The following ARHGEF10 variants were observed in gnomAD, a reference collection of about 807,000 sequenced individuals.
The protein encoded by ARHGEF10 is Rho guanine nucleotide exchange factor 10, also known as Rho guanine nucleotide exchange factor (GEF) 10.
In ARHGEF10, 140 loss-of-function variants were observed where a neutral mutation model predicts 147.4. That is an observed-to-expected ratio of 0.95 (90% CI 0.83 to 1.09). ARHGEF10 has a LOEUF of 1.09. Ranked by LOEUF, ARHGEF10 falls within the 50% of genes least tolerant of loss-of-function variation. ARHGEF10 has a pLI of 0.00. For synonymous variants in ARHGEF10, 902 were observed against 695.8 expected (o/e 1.30, Z -4.67); for missense variants, 2,222 against 1,752.7 (o/e 1.27, Z -4.78).
At chr8:1,944,199 C>A (rs1361500849) in intron 26 of ARHGEF10, among the ~76,000 whole-genome samples, 1 of 150,416 alleles carries the variant, frequency 6.6e-6, no homozygotes, top group Admixed American at 6.6e-5. Flanking sequence ...TCCCTGGGGA[C>A]CCCAGCCTCC....
intron 1 of ARHGEF10, among the ~76,000 whole-genome samples, chr8:1,830,977 A>G (rs1563145521): frequency 6.6e-6 from 1 of 152,250 alleles, no homozygotes; most frequent in Non-Finnish European, 1.5e-5. Flanking sequence ...TGCACCCAGC[A>G]TGTCCAGGAA....
chr8:1,845,472 G>T (rs76126095), intron 2 of ARHGEF10, among the ~76,000 whole-genome samples: 1 of 152,188 alleles, frequency 6.6e-6, no homozygotes, highest in African/African-American at 2.4e-5. Context: ...ATGCTGAGGA[G>T]GCGGGTACAG....
At position 1,869,235 on chromosome 8, in the gene ARHGEF10, TCA is replaced by T. The variant is rs1806881639; in HGVS notation, c.665_666del (p.Ser222Ter). The T allele has an allele frequency of 6.2e-7, 1 of 1,613,892 alleles. No individual in the cohort carries two copies. Among genetic ancestry groups the T allele is most frequent in the Non-Finnish European group, 8.5e-7 (1 of 1,179,868 alleles). On this transcript the variant is annotated frameshift_variant, in exon 7 of 29. Transcript: ENST00000349830. LOFTEE classifies it high-confidence loss of function. Reference protein sequence around the residue: ...AIYDDVPRENSDSEPDEMIYD... With the variant: ...AIYDDVPRENXDSEPDEMIYD... ...TTACGATGACGTTCCAAGGGAAAAC[TCA>T]GACTCTGAACCAGGTTTGATTTTGT...
At chr8:1,888,369 A>T (rs1401269731) in intron 11 of ARHGEF10, among the ~76,000 whole-genome samples, 2 of 137,074 alleles carry the variant, frequency 1.5e-5, no homozygotes, top group Non-Finnish European at 3.1e-5. Flanking sequence ...GGTTGTGAGG[A>T]GATACTGAGG....
chr8:1,885,749 C>G lies in ARHGEF10; in HGVS notation c.1182+42C>G, dbSNP rs1460097241. The G allele has an allele frequency of 4.2e-6, 6 of 1,431,938 alleles. No individual in the cohort carries two copies. The African/African-American group carries it at 8.4e-5, about 20-fold the overall frequency. 88.7% of individuals were successfully genotyped at this position (1,431,938 alleles called of 1,614,324 possible). On this transcript the variant is annotated intron_variant, in intron 11 of 28. Coordinates refer to ENST00000349830, the MANE Select transcript of ARHGEF10 (RefSeq NM_014629.4). ...TGACAGGGGCTGTTGACCAGCAGAGCTGTGCTAGTTTTTAAATATTTGTGT... is the reference window on the plus strand; with the variant it reads ...TGACAGGGGCTGTTGACCAGCAGAGGTGTGCTAGTTTTTAAATATTTGTGT...
chr8:1,935,653 T>C (rs1471841004), intron 26 of ARHGEF10, among the ~76,000 whole-genome samples: 1 of 152,196 alleles, frequency 6.6e-6, no homozygotes. Context: ...TCCTGGCAAC[T>C]CCGCACCCTA....
chr8:1,908,270 A>G (rs1008399685), intron 17 of ARHGEF10, among the ~76,000 whole-genome samples: 39 of 130,302 alleles, frequency 3.0e-4, no homozygotes, highest in African/African-American at 5.5e-4. Flanking sequence ...TCGCTCTGTC[A>G]CCCAGGCTGG....
intron 27 of ARHGEF10, among the ~76,000 whole-genome samples, chr8:1,946,550 T>G (rs982611747): frequency 3.3e-5 from 5 of 152,200 alleles, no homozygotes; most frequent in Non-Finnish European, 7.3e-5. Flanking sequence ...CTCCGCTTCC[T>G]ATAAGGGTGC....
At chr8:1,944,637 G>A (rs1814411553) in intron 26 of ARHGEF10, among the ~76,000 whole-genome samples, 3 of 152,208 alleles carry the variant, frequency 2.0e-5, no homozygotes, top group South Asian at 4.1e-4. Context: ...GTTTTTATGA[G>A]TTTCATCACT....
At chr8:1,919,796 TGG>T in intron 18 of ARHGEF10, among the ~76,000 whole-genome samples, 1 of 149,422 alleles carries the variant, frequency 6.7e-6, no homozygotes, top group Non-Finnish European at 1.5e-5. Flanking sequence ...AGCTGTTCTG[TGG>T]GTGATGGAGC....
intron 16 of ARHGEF10, 21 bp downstream of exon 16, chr8:1,903,472 A>C (rs760147077): frequency 1.2e-6 from 2 of 1,613,296 alleles, no homozygotes. Context: ...GTTTTCTTCA[A>C]CTCTATTCCA....
chr8:1,844,499 C>A (rs1290518689), intron 2 of ARHGEF10, among the ~76,000 whole-genome samples: 1 of 72,444 alleles, frequency 1.4e-5, no homozygotes, highest in African/African-American at 5.0e-5. Context: ...GCCAGCGACA[C>A]CACAGGGGCC....
intron 27 of ARHGEF10, among the ~76,000 whole-genome samples, chr8:1,951,918 G>GCCACCGTGAGGCGGGATCTTCCCTGTAA (rs1815082664): frequency 3.0e-5 from 4 of 135,404 alleles, no homozygotes; most frequent in Non-Finnish European, 6.7e-5. Context: ...CTTCCTTGTA[G>GCCACCGTGAGGCGGGATCTTCCCTGTAA]CCACCGTGAG....
chr8:1,886,361 G>T (rs1405327395), intron 11 of ARHGEF10, among the ~76,000 whole-genome samples: 2 of 152,190 alleles, frequency 1.3e-5, no homozygotes, highest in African/African-American at 2.4e-5. Flanking sequence ...TGGATAGGCA[G>T]ACATATGTGT....
Position 1,865,564 on chromosome 8 carries a change from C to T in ARHGEF10, c.546-962C>T, listed in dbSNP as rs187803297. On this transcript the variant is annotated intron_variant, in intron 5 of 28. Transcript: ENST00000349830. Reference sequence around the variant, plus strand: ...CGTCCCCCGGCACCCAGGGGGCCGTCATCAGGGCATGGGGCATCCCGCAGC... The same window carrying T: ...CGTCCCCCGGCACCCAGGGGGCCGTTATCAGGGCATGGGGCATCCCGCAGC... 1.6e-3 allele frequency among the ~76,000 whole-genome samples: 237 copies of T among 152,088 alleles called. 2 individuals are homozygous for T. Among genetic ancestry groups the T allele is most frequent in the African/African-American group, 5.2e-3 (218 of 41,528 alleles).
At position 1,945,463 on chromosome 8, in the gene ARHGEF10, G is replaced by A. The variant is rs759935641; in HGVS notation, c.3223-18G>A. The A allele has an allele frequency of 1.5e-5, 24 of 1,573,612 alleles. No homozygotes were observed. Among genetic ancestry groups the A allele is most frequent in the African/African-American group, 2.7e-5 (2 of 73,716 alleles). On this transcript the variant is annotated intron_variant, in intron 26 of 28. Coordinates refer to ENST00000349830, the MANE Select transcript of ARHGEF10 (RefSeq NM_014629.4). ...CTCACTCCACGGGGCTAGCAGACTTGACCTCTCGATTTCACAGGGTCAGCT... is the reference window on the plus strand; with the variant it reads ...CTCACTCCACGGGGCTAGCAGACTTAACCTCTCGATTTCACAGGGTCAGCT...
chr8:1,924,564 C>T (rs1812543146), intron 21 of ARHGEF10, among the ~76,000 whole-genome samples: 1 of 152,186 alleles, frequency 6.6e-6, no homozygotes, highest in Admixed American at 6.5e-5. Flanking sequence ...GTGGGTAACG[C>T]CATTGCCCCG....
rs1812858449 is a variant in ARHGEF10, at chr8:1,928,532, A to G, written c.2803A>G (p.Met935Val). 2 of 1,614,232 alleles carry G rather than the reference A, an allele frequency of 1.2e-6. No individual in the cohort carries two copies. The highest frequency in any genetic ancestry group is 4.5e-5 in the East Asian group (2 of 44,886). The stretch of plus-strand genomic sequence containing the variant: ...CAACGTGGAATCTCGCATCCTGTGC[A>G]TGCTGTACGTTCCCGTCGAGGAGAA... ...CFNVESRILC[M>V]LYVPVEEKRR... The change falls in exon 24 of 29, where the codon ATG (methionine) becomes GTG (valine). Residue 935 changes from methionine (M) to valine (V), a missense_variant. Physicochemically the swap from Met to Val is conservative, Grantham distance 21 (BLOSUM62 1). Coordinates refer to ENST00000349830, the MANE Select transcript of ARHGEF10 (RefSeq NM_014629.4).
intron 1 of ARHGEF10, among the ~76,000 whole-genome samples, chr8:1,840,307 G>A (rs1197756976): frequency 3.7e-5 from 5 of 135,464 alleles, no homozygotes; most frequent in African/African-American, 5.8e-5. Flanking sequence ...GCTGTCTGGT[G>A]TGGGGACTGT....
Sources: gnomAD v4.1 joint callset for allele counts (sites outside exome capture counted in the v4.1 genomes callset) on GRCh38, gnomAD v4.1.1 for gene constraint, MANE v1.5 for transcripts, NCBI Gene and HGNC (gene_info 2026-07-23, HGNC 2026-07-21) for gene names.